The following SPAG16 variants were observed in gnomAD, a reference collection of about 807,000 sequenced individuals.
SPAG16 encodes sperm-associated antigen 16 protein.
SPAG16 carries 86 observed loss-of-function variants against 80.4 expected under a neutral mutation model. The ratio of observed to expected loss-of-function variants is 1.07; its 90% CI spans 0.90 to 1.28. SPAG16 has a LOEUF of 1.28. Among genes scored for constraint, SPAG16 ranks in the 50% most tolerant of loss-of-function variants. The pLI is 0.00. For missense variants in SPAG16, 870 were observed against 765.3 expected (o/e 1.14, Z -1.61); for synonymous variants, 294 against 265.9 (o/e 1.11, Z -1.03).
chr2:213,697,957 T>C (rs962656531), intron 10 of SPAG16, among the ~76,000 whole-genome samples: 42 of 152,312 alleles, frequency 2.8e-4, no homozygotes, highest in African/African-American at 9.9e-4. Flanking sequence ...TCATCTCTCA[T>C]CTACTCAAAT....
intron 3 of SPAG16, among the ~76,000 whole-genome samples, chr2:213,303,467 C>CTT (rs112060281): frequency 0.22 from 32,928 of 151,752 alleles, 4,386 homozygotes; most frequent in Non-Finnish European, 0.31. Flanking sequence ...TAGTCACTCT[C>CTT]GTGCTATCAA....
intron 13 of SPAG16, among the ~76,000 whole-genome samples, chr2:214,079,452 C>G (rs2051252831): frequency 6.6e-6 from 1 of 152,118 alleles, no homozygotes; most frequent in Admixed American, 6.5e-5. Context: ...CTAAATTTTG[C>G]TACAGTTAAA....
chr2:214,032,637 T>C (rs547077254), intron 13 of SPAG16, among the ~76,000 whole-genome samples: 1 of 152,258 alleles, frequency 6.6e-6, no homozygotes, highest in Admixed American at 6.5e-5. Context: ...GATTTACAGT[T>C]TGGCTGAATT....
At chr2:213,588,790 CA>C (rs1183823518) in intron 10 of SPAG16, among the ~76,000 whole-genome samples, 24 of 106,936 alleles carry the variant, frequency 2.2e-4, no homozygotes, top group African/African-American at 8.8e-4. Flanking sequence ...GCCTGGGCGA[CA>C]GAGCGAGACT....
intron 10 of SPAG16, among the ~76,000 whole-genome samples, chr2:213,860,481 A>AGC (rs2075403998): frequency 7.1e-6 from 1 of 140,968 alleles, no homozygotes; most frequent in African/African-American, 2.7e-5. Flanking sequence ...ATCTATATAT[A>AGC]TATATACACA....
At chr2:214,200,945 A>T (rs2057992122) in intron 15 of SPAG16, among the ~76,000 whole-genome samples, 1 of 152,162 alleles carries the variant, frequency 6.6e-6, no homozygotes, top group South Asian at 2.1e-4. Context: ...ATTGTCTGAG[A>T]CACAGAGTAA....
At chr2:213,746,260 G>A (rs989099795) in intron 10 of SPAG16, among the ~76,000 whole-genome samples, 6 of 152,190 alleles carry the variant, frequency 3.9e-5, no homozygotes, top group Admixed American at 3.9e-4. Flanking sequence ...GCCGCCTGAA[G>A]TTGCAGAGTT....
chr2:213,932,360 C>T (rs1020620110), intron 12 of SPAG16, among the ~76,000 whole-genome samples: 5 of 151,448 alleles, frequency 3.3e-5, no homozygotes, highest in Non-Finnish European at 5.9e-5. Context: ...GGACTATAGG[C>T]ACGTGCCACC....
Position 213,984,813 on chromosome 2 carries a change from C to T in SPAG16, c.1401-29138C>T, listed in dbSNP as rs556121382. Among the ~76,000 whole-genome samples the T allele has an allele frequency of 1.4e-4, 22 of 152,172 alleles. No homozygotes were observed. In the South Asian group the frequency reaches 4.6e-3, roughly 32 times the overall value. ...TCTCTCTAGTGCTGACGCCACTAGC[C>T]TCTGCAGCTCTTCCAAATAAGCTTA... On this transcript the variant is annotated intron_variant, in intron 12 of 15. Transcript: ENST00000331683.
rs1345804477 is a variant in SPAG16, at chr2:214,347,347, G to GT, written c.1721-62793_1721-62792insT. On this transcript the variant is annotated intron_variant, in intron 15 of 15. Transcript: ENST00000331683. ...AGATGAACTAAAGAACAAAATATTA[G>GT]GGTTTTTTTTTTAGTAGAATTTGGA... Among the ~76,000 whole-genome samples, 10 of 66,318 alleles carry GT rather than the reference G, an allele frequency of 1.5e-4. No individual in the cohort carries two copies. In the East Asian group the frequency reaches 3.3e-3, roughly 22 times the overall value. The allele number at this position is 66,318 out of a possible 152,430, so 43.5% of individuals were successfully genotyped here. A position where few individuals can be genotyped will look rare whatever the true frequency, so the allele number is the denominator to read the frequency against.
intron 9 of SPAG16, among the ~76,000 whole-genome samples, chr2:213,463,692 G>A (rs1247147950): frequency 6.6e-6 from 1 of 152,274 alleles, no homozygotes; most frequent in East Asian, 1.9e-4. Context: ...GTATGGAAAT[G>A]CCTGGATGTC....
chr2:213,705,778 G>A (rs1256536343), intron 10 of SPAG16, among the ~76,000 whole-genome samples: 3 of 79,938 alleles, frequency 3.8e-5, no homozygotes, highest in African/African-American at 5.1e-5. Context: ...GCCAATCATG[G>A]TGGAGGGTTT....
chr2:213,777,780 G>A (rs1331680392), intron 10 of SPAG16, among the ~76,000 whole-genome samples: 1 of 152,054 alleles, frequency 6.6e-6, no homozygotes, highest in Non-Finnish European at 1.5e-5. Context: ...CAAGTGATCT[G>A]CCTGCCTCGG....
chr2:213,880,040 G>C (rs1346124321), intron 11 of SPAG16, among the ~76,000 whole-genome samples: 1 of 152,108 alleles, frequency 6.6e-6, no homozygotes, highest in East Asian at 1.9e-4. Flanking sequence ...TCTGTTTTAA[G>C]TTTTTGAGAA....
intron 10 of SPAG16, among the ~76,000 whole-genome samples, chr2:213,832,620 G>T (rs113761807): frequency 1.2e-3 from 178 of 152,130 alleles, no homozygotes; most frequent in Middle Eastern, 6.8e-3. Flanking sequence ...TAGGAGAGAG[G>T]AATCCTACAC....
At chr2:214,388,557 C>T (rs1280795355) in intron 15 of SPAG16, among the ~76,000 whole-genome samples, 1 of 152,170 alleles carries the variant, frequency 6.6e-6, no homozygotes, top group Non-Finnish European at 1.5e-5. Flanking sequence ...TCACCTTCAT[C>T]AAGACAGAAT....
At chr2:214,232,389 C>G (rs1230100061) in intron 15 of SPAG16, among the ~76,000 whole-genome samples, 1 of 151,850 alleles carries the variant, frequency 6.6e-6, no homozygotes, top group African/African-American at 2.4e-5. Flanking sequence ...ATTTAATATT[C>G]TCTTCTGATA....
At chr2:214,007,299 A>T (rs1369258258) in intron 12 of SPAG16, among the ~76,000 whole-genome samples, 2 of 151,898 alleles carry the variant, frequency 1.3e-5, no homozygotes. Context: ...TGCCTCAGTT[A>T]AAACAAAACA....
chr2:213,379,716 A>T (rs1175171803), intron 9 of SPAG16, among the ~76,000 whole-genome samples: 2 of 152,176 alleles, frequency 1.3e-5, no homozygotes, highest in African/African-American at 4.8e-5. Context: ...ACCCCAAGGA[A>T]TGGTGCCATA....
Sources: allele counts gnomAD v4.1 joint callset (sites outside exome capture counted in the v4.1 genomes callset), GRCh38; gene constraint gnomAD v4.1.1; transcripts MANE v1.5; gene names NCBI Gene and HGNC (gene_info 2026-07-23, HGNC 2026-07-21).